Variants in ERBB4 observed in about 807,000 individuals in gnomAD.
The protein encoded by ERBB4 is receptor tyrosine-protein kinase erbB-4.
ERBB4 carries 42 observed loss-of-function variants against 158.0 expected under a neutral mutation model. That is an observed-to-expected ratio of 0.27 (90% CI 0.21 to 0.34). ERBB4 has a LOEUF of 0.34. Among genes scored for constraint, ERBB4 ranks in the 10% least tolerant of loss-of-function variants. The probability of loss-of-function intolerance (pLI) is 1.00; values close to 1 mark genes in which losing one functional copy is unlikely to be tolerated. For missense variants in ERBB4, 1,333 were observed against 1,624.1 expected (o/e 0.82, Z 3.08); for synonymous variants, 583 against 558.7 (o/e 1.04, Z -0.61).
chr2:212,100,582 C>T (rs374685063), intron 2 of ERBB4, among the ~76,000 whole-genome samples: 1 of 152,124 alleles, frequency 6.6e-6, no homozygotes, highest in African/African-American at 2.4e-5. Context: ...CCACTCTGTG[C>T]CAAGAACAGT....
intron 19 of ERBB4, among the ~76,000 whole-genome samples, chr2:211,590,266 C>T (rs1257939961): frequency 6.6e-6 from 1 of 152,196 alleles, no homozygotes; most frequent in East Asian, 1.9e-4. Context: ...TTGGGAGGAA[C>T]TTAGTTTATA....
intron 2 of ERBB4, among the ~76,000 whole-genome samples, chr2:211,965,934 G>A (rs1271615744): frequency 6.6e-6 from 1 of 152,128 alleles, no homozygotes; most frequent in Non-Finnish European, 1.5e-5. Flanking sequence ...CAATATGGTT[G>A]GGCACAGAGA....
At chr2:211,778,116 C>T (rs2075933766) in intron 4 of ERBB4, among the ~76,000 whole-genome samples, 1 of 152,198 alleles carries the variant, frequency 6.6e-6, no homozygotes, top group Non-Finnish European at 1.5e-5. Context: ...GCAGGAGAAG[C>T]CACGGCAGGA....
At chr2:211,748,094 T>C (rs2075027364) in intron 5 of ERBB4, among the ~76,000 whole-genome samples, 1 of 151,818 alleles carries the variant, frequency 6.6e-6, no homozygotes, top group Non-Finnish European at 1.5e-5. Context: ...TTAATTGTTT[T>C]TTTCCAAGTA....
intron 9 of ERBB4, among the ~76,000 whole-genome samples, chr2:211,707,844 T>G (rs2073507254): frequency 6.6e-6 from 1 of 152,126 alleles, no homozygotes; most frequent in Admixed American, 6.6e-5. Context: ...ATTGATGAAT[T>G]GCCAGTAAAT....
chr2:211,743,907 T>G (rs541995060), intron 5 of ERBB4, among the ~76,000 whole-genome samples: 21 of 152,268 alleles, frequency 1.4e-4, no homozygotes, highest in South Asian at 6.2e-4. Flanking sequence ...TGTGAGAAAT[T>G]TTCTTGTTAG....
chr2:211,528,971 C>A (rs946398399), intron 20 of ERBB4, among the ~76,000 whole-genome samples: 1 of 150,302 alleles, frequency 6.7e-6, no homozygotes, highest in African/African-American at 2.5e-5. Flanking sequence ...GCAAACCAAA[C>A]CCAAAATTAG....
At chr2:212,241,564 A>C (rs985805765) in intron 1 of ERBB4, among the ~76,000 whole-genome samples, 2 of 152,196 alleles carry the variant, frequency 1.3e-5, no homozygotes, top group African/African-American at 4.8e-5. Flanking sequence ...ATCCACAGAA[A>C]GATGTAACAA....
chr2:211,827,442 G>A (rs959935702), intron 3 of ERBB4, among the ~76,000 whole-genome samples: 1 of 151,996 alleles, frequency 6.6e-6, no homozygotes, highest in African/African-American at 2.4e-5. Flanking sequence ...TTGTGAATAT[G>A]TTTGTGTATT....
intron 1 of ERBB4, among the ~76,000 whole-genome samples, chr2:212,434,974 G>C (rs757916721): frequency 2.0e-5 from 3 of 151,978 alleles, no homozygotes; most frequent in Non-Finnish European, 2.9e-5. Flanking sequence ...TCTTTGATCT[G>C]AAGCTGAACT....
chr2:212,089,146 A>C (rs920390511), intron 2 of ERBB4, among the ~76,000 whole-genome samples: 1 of 152,170 alleles, frequency 6.6e-6, no homozygotes, highest in Admixed American at 6.6e-5. Flanking sequence ...ACTATATACA[A>C]ATACCAACCT....
chr2:211,659,104 G>A (rs975373933), intron 15 of ERBB4, among the ~76,000 whole-genome samples: 4 of 152,068 alleles, frequency 2.6e-5, no homozygotes, highest in African/African-American at 9.7e-5. Context: ...TATAAGGCCA[G>A]TCTATCCATT....
intron 3 of ERBB4, among the ~76,000 whole-genome samples, chr2:211,853,945 T>C (rs16847082): frequency 0.19 from 29,173 of 152,014 alleles, 3,121 homozygotes; most frequent in South Asian, 0.33. Context: ...TTTAATTCTT[T>C]ATTCAAACAA....
At chr2:211,588,872 A>G (rs4640322) in intron 19 of ERBB4, among the ~76,000 whole-genome samples, 113,930 of 152,114 alleles carry the variant, frequency 0.75, 44,605 homozygotes, top group East Asian at 0.89. Context: ...CAACAAAAAA[A>G]TCTTGGGCAC....
chr2:212,146,986 CTTTTTTTT>C (rs34029473), intron 1 of ERBB4, among the ~76,000 whole-genome samples: 1 of 77,452 alleles, frequency 1.3e-5, no homozygotes, highest in Non-Finnish European at 2.3e-5. Context: ...CATTGTTAGA[CTTTTTTTT>C]TTTTTTTTTT....
chr2:212,217,098 T>C (rs1051260653), intron 1 of ERBB4, among the ~76,000 whole-genome samples: 9 of 151,364 alleles, frequency 5.9e-5, no homozygotes, highest in African/African-American at 2.2e-4. Context: ...TGAGGAGAAT[T>C]AAAAGATAAT....
chr2:211,992,514 G>C (rs1180770855), intron 2 of ERBB4, among the ~76,000 whole-genome samples: 1 of 149,590 alleles, frequency 6.7e-6, no homozygotes. Flanking sequence ...AGAGGGAAGT[G>C]AGGGAAGAAG....
intron 20 of ERBB4, among the ~76,000 whole-genome samples, chr2:211,468,073 T>C (rs766987836): frequency 2.6e-5 from 4 of 152,028 alleles, no homozygotes; most frequent in Non-Finnish European, 5.9e-5. Context: ...GAAAAAGACA[T>C]GTAATTAGAT....
intron 3 of ERBB4, among the ~76,000 whole-genome samples, chr2:211,815,311 A>C (rs2076860603): frequency 2.0e-5 from 3 of 152,332 alleles, no homozygotes; most frequent in African/African-American, 7.2e-5. Context: ...CAATATTTTA[A>C]AAATAATTCC....
Sources: allele counts gnomAD v4.1 joint callset (sites outside exome capture counted in the v4.1 genomes callset), GRCh38; gene constraint gnomAD v4.1.1; transcripts MANE v1.5; gene names NCBI Gene and HGNC (gene_info 2026-07-23, HGNC 2026-07-21).